Variants in TAFA4 observed in about 807,000 individuals in gnomAD.
TAFA4 encodes chemokine-like protein TAFA-4.
TAFA4 carries 20 observed loss-of-function variants against 21.1 expected under a neutral mutation model. The observed-to-expected ratio is 0.95, with a 90% CI of 0.67 to 1.38. The LOEUF (loss-of-function observed/expected upper bound fraction) is 1.38, where lower values mean the gene tolerates loss of function less well. Ranked by LOEUF, TAFA4 falls within the 40% of genes most tolerant of loss-of-function variation. The pLI is 0.00. For missense variants in TAFA4, 211 were observed against 180.9 expected, an observed-to-expected ratio of 1.17 and a Z score of -0.95; for synonymous variants, 71 against 67.4, an observed-to-expected ratio of 1.05 and a Z score of -0.26.
chr3:68,795,031 C>CAG (rs1703428506), intron 3 of TAFA4, among the ~76,000 whole-genome samples: 1 of 150,842 alleles, frequency 6.6e-6, no homozygotes. Context: ...CACACACACA[C>CAG]ACACAGACAC....
chr3:68,931,177 G>T (rs567876966), intron 1 of TAFA4, among the ~76,000 whole-genome samples: 1 of 152,162 alleles, frequency 6.6e-6, no homozygotes, highest in South Asian at 2.1e-4. Context: ...CACGGGGATC[G>T]CCTGTCACAT....
At chr3:68,885,608 G>C (rs2089664186) in intron 1 of TAFA4, among the ~76,000 whole-genome samples, 1 of 152,146 alleles carries the variant, frequency 6.6e-6, no homozygotes, top group Non-Finnish European at 1.5e-5. Context: ...CATTTGAAAT[G>C]CACAAATTTC....
chr3:68,769,522 T>A (rs939971836), intron 3 of TAFA4, among the ~76,000 whole-genome samples: 1 of 152,214 alleles, frequency 6.6e-6, no homozygotes, highest in Non-Finnish European at 1.5e-5. Flanking sequence ...AGGGTGACTA[T>A]GATTAACAGT....
At chr3:68,761,732 G>A (rs1230423593) in intron 3 of TAFA4, among the ~76,000 whole-genome samples, 1 of 152,220 alleles carries the variant, frequency 6.6e-6, no homozygotes, top group East Asian at 1.9e-4. Flanking sequence ...GCAGATTAAA[G>A]AGGGGCAAGG....
Position 68,817,481 on chromosome 3 carries a change from T to C in TAFA4, c.130+63249A>G, listed in dbSNP as rs1295165618. On this transcript the variant is annotated intron_variant, in intron 3 of 5. Coordinates refer to ENST00000295569, the MANE Select transcript of TAFA4 (RefSeq NM_182522.5). ...TCCTCCCATAAATCATGAATGTTCT[T>C]AGTGGTATCTAGAATGGTGAATCAT... is the stretch of plus-strand genomic sequence containing the variant. Among the ~76,000 whole-genome samples, 12 of 152,316 alleles carry C rather than the reference T, an allele frequency of 7.9e-5. No individual in the cohort carries two copies. In the South Asian group the frequency reaches 2.3e-3, roughly 29 times the overall value.
intron 3 of TAFA4, among the ~76,000 whole-genome samples, chr3:68,846,954 C>A (rs1012029870): frequency 1.3e-5 from 2 of 152,268 alleles, no homozygotes; most frequent in Admixed American, 6.5e-5. Context: ...TGTCTGTCGA[C>A]CCCTGCTGGG....
chr3:68,814,914 T>C (rs1429891183), intron 3 of TAFA4, among the ~76,000 whole-genome samples: 1 of 152,132 alleles, frequency 6.6e-6, no homozygotes, highest in Non-Finnish European at 1.5e-5. Flanking sequence ...CTTCAAACTA[T>C]ACTACAAGGC....
At chr3:68,927,343 A>C (rs1252827026) in intron 1 of TAFA4, among the ~76,000 whole-genome samples, 1 of 152,240 alleles carries the variant, frequency 6.6e-6, no homozygotes, top group East Asian at 1.9e-4. Context: ...TTTCAGAGAA[A>C]ACTTTAGAAC....
intron 3 of TAFA4, among the ~76,000 whole-genome samples, chr3:68,880,390 G>A (rs1467490560): frequency 1.3e-5 from 2 of 151,232 alleles, no homozygotes; most frequent in African/African-American, 2.4e-5. Context: ...CTGCAGGAGT[G>A]GATGGATGGA....
intron 5 of TAFA4, 91 bp from the exon 6 acceptor site, chr3:68,733,244 G>T (rs566121386): frequency 1.4e-6 from 2 of 1,476,104 alleles, no homozygotes; most frequent in Non-Finnish European, 9.2e-7. Flanking sequence ...TCCTGACTGT[G>T]AATACTTTAT....
chr3:68,742,669 A>C (rs571904129), intron 4 of TAFA4, among the ~76,000 whole-genome samples: 1 of 152,316 alleles, frequency 6.6e-6, no homozygotes, highest in East Asian at 1.9e-4. Flanking sequence ...ATTACCACTA[A>C]AGAACTTACC....
At chr3:68,896,075 A>G (rs1054903616) in intron 1 of TAFA4, among the ~76,000 whole-genome samples, 3 of 152,128 alleles carry the variant, frequency 2.0e-5, no homozygotes, top group Non-Finnish European at 4.4e-5. Flanking sequence ...TGGTGTGTTC[A>G]GGAGCGGAGA....
intron 5 of TAFA4, among the ~76,000 whole-genome samples, chr3:68,733,906 G>C (rs562146439): frequency 2.6e-5 from 4 of 152,122 alleles, no homozygotes; most frequent in Admixed American, 2.6e-4. Context: ...GTACTCAACA[G>C]TATTACTCCC....
intron 3 of TAFA4, among the ~76,000 whole-genome samples, chr3:68,823,174 C>T (rs1360328163): frequency 6.6e-6 from 1 of 152,120 alleles, no homozygotes; most frequent in Non-Finnish European, 1.5e-5. Context: ...AAGGGGTCGA[C>T]AGAATTTGGG....
chr3:68,785,348 C>A (rs980916300), intron 3 of TAFA4, among the ~76,000 whole-genome samples: 1 of 152,226 alleles, frequency 6.6e-6, no homozygotes, highest in Non-Finnish European at 1.5e-5. Context: ...TGGGACTGGG[C>A]GCCTGGAGCA....
chr3:68,907,250 G>C (rs778023682), intron 1 of TAFA4, among the ~76,000 whole-genome samples: 4 of 152,134 alleles, frequency 2.6e-5, no homozygotes, highest in Non-Finnish European at 5.9e-5. Context: ...ATTAATGCTT[G>C]TTGTCCAAAG....
chr3:68,887,958 T>C (rs2089689892), intron 1 of TAFA4, among the ~76,000 whole-genome samples: 1 of 152,168 alleles, frequency 6.6e-6, no homozygotes, highest in Admixed American at 6.5e-5. Flanking sequence ...AATATGCTGT[T>C]TTATTCTTCA....
intron 3 of TAFA4, among the ~76,000 whole-genome samples, chr3:68,769,221 A>C (rs1290177113): frequency 6.6e-6 from 1 of 152,180 alleles, no homozygotes; most frequent in Non-Finnish European, 1.5e-5. Flanking sequence ...GCTCCTTATG[A>C]GAATCTAATG....
At chr3:68,838,069 A>G (rs1704564938) in intron 3 of TAFA4, among the ~76,000 whole-genome samples, 1 of 152,144 alleles carries the variant, frequency 6.6e-6, no homozygotes, top group Admixed American at 6.5e-5. Context: ...TATATTATTA[A>G]TAACTATAGT....
Sources: allele counts gnomAD v4.1 joint callset (sites outside exome capture counted in the v4.1 genomes callset), GRCh38; gene constraint gnomAD v4.1.1; transcripts MANE v1.5; gene names NCBI Gene and HGNC (gene_info 2026-07-23, HGNC 2026-07-21).